Variants in TYR observed in about 807,000 individuals in gnomAD.
TYR encodes LB24-AB.
TYR carries 58 observed loss-of-function variants against 51.5 expected under a neutral mutation model. The observed-to-expected ratio is 1.13, with a 90% confidence interval of 0.91 to 1.40. TYR has a LOEUF of 1.40. Among genes scored for constraint, TYR ranks in the 40% most tolerant of loss-of-function variants. TYR has a pLI of 0.00. For missense variants in TYR, 732 were observed against 647.4 expected (o/e 1.13, Z -1.42); for synonymous variants, 263 against 235.2 (o/e 1.12, Z -1.08).
chr11:89,249,176 G>A (rs1944303241), intron 3 of TYR, among the ~76,000 whole-genome samples: 1 of 152,024 alleles, frequency 6.6e-6, no homozygotes, highest in South Asian at 2.1e-4. Flanking sequence ...GAGAGAACCA[G>A]GTTAGATACA....
intron 1 of TYR, 62 bp downstream of exon 1, chr11:89,178,834 G>T: frequency 1.3e-6 from 2 of 1,565,604 alleles, no homozygotes; most frequent in Non-Finnish European, 1.8e-6. Context: ...ACTTCTTCAG[G>T]CAGGGTATAA....
intron 3 of TYR, among the ~76,000 whole-genome samples, chr11:89,245,723 C>T (rs2135295006): frequency 1.3e-5 from 2 of 152,164 alleles, no homozygotes; most frequent in Middle Eastern, 6.8e-3. Flanking sequence ...GAGATCAAGA[C>T]CATCCTGGCT....
chr11:89,180,768 G>A (rs1483000830), intron 1 of TYR, among the ~76,000 whole-genome samples: 1 of 152,118 alleles, frequency 6.6e-6, no homozygotes, highest in Non-Finnish European at 1.5e-5. Flanking sequence ...CTATGTTTTA[G>A]TAGTGTCAAG....
chr11:89,288,635 C>T (rs1402669085), intron 4 of TYR, among the ~76,000 whole-genome samples: 1 of 151,950 alleles, frequency 6.6e-6, no homozygotes, highest in Admixed American at 6.6e-5. Flanking sequence ...AGAAGTTTGA[C>T]TTTAAAATAA....
rs866938030 is a variant in TYR at position 89,280,371 on chromosome 11, A to G, written c.1185-4402A>G. Among the ~76,000 whole-genome samples the G allele has an allele frequency of 1.2e-3, 189 of 151,454 alleles. 10 individuals are homozygous for G. Among genetic ancestry groups the G allele is most frequent in the Middle Eastern group, 6.8e-3 (2 of 294 alleles). On this transcript the variant is annotated intron_variant, in intron 3 of 4. Transcript: ENST00000263321. ...CTTTCTCTTTACATTTCAGTTTGGG[A>G]AGTTTCTCCTAACCTAGCCTCAAGC...
intron 1 of TYR, among the ~76,000 whole-genome samples, chr11:89,179,618 A>T (rs1355437639): frequency 2.0e-5 from 3 of 152,148 alleles, no homozygotes; most frequent in African/African-American, 7.2e-5. Flanking sequence ...ATTTCCAAGG[A>T]TGTGACTGCT....
At chr11:89,274,818 T>C (rs1944633461) in intron 3 of TYR, among the ~76,000 whole-genome samples, 1 of 151,776 alleles carries the variant, frequency 6.6e-6, no homozygotes, top group South Asian at 2.1e-4. Context: ...TCTTCCTACG[T>C]TCATAACAAG....
chr11:89,178,166 C>T lies in TYR; in HGVS notation c.213C>T (p.Phe71=), dbSNP rs1943249512. The T allele has an allele frequency of 6.2e-7, 1 of 1,614,072 alleles. No individual in the cohort carries two copies. Among genetic ancestry groups the T allele is most frequent in the Non-Finnish European group, 8.5e-7 (1 of 1,180,036 alleles). Residue 71 remains phenylalanine (F), a synonymous_variant, in exon 1 of 5, where the codon TTC becomes TTT. Coordinates refer to ENST00000263321, the MANE Select transcript of TYR (RefSeq NM_000372.5). The part of the protein sequence containing the change: ...SNAPLGPQFP[F]TGVDDRESWP... ...CACCACTTGGGCCTCAATTTCCCTT[C>T]ACAGGGGTGGATGACCGGGAGTCGT...
chr11:89,253,600 C>T (rs147805592), intron 3 of TYR, among the ~76,000 whole-genome samples: 1,580 of 151,648 alleles, frequency 0.01, 5 homozygotes, highest in Non-Finnish European at 0.017. Context: ...TTAAAAGGGG[C>T]TGAATTCTTG....
intron 2 of TYR, among the ~76,000 whole-genome samples, chr11:89,206,661 T>TAACAAC (rs137986111): frequency 2.6e-5 from 4 of 151,476 alleles, no homozygotes; most frequent in African/African-American, 7.3e-5. Context: ...TTCCATTCAA[T>TAACAAC]AACAACAACA....
At chr11:89,221,171 C>A (rs6483002) in intron 2 of TYR, among the ~76,000 whole-genome samples, 1 of 152,050 alleles carries the variant, frequency 6.6e-6, no homozygotes, top group Non-Finnish European at 1.5e-5. Flanking sequence ...TGTTCAGTGA[C>A]TCACTGTTAG....
intron 3 of TYR, among the ~76,000 whole-genome samples, chr11:89,257,063 C>A (rs516696): frequency 0.011 from 1,741 of 152,024 alleles, 34 homozygotes; most frequent in African/African-American, 0.04. Context: ...CTCTACTGCT[C>A]TTCCTAGGGT....
At chr11:89,268,318 C>A (rs1288870491) in intron 3 of TYR, among the ~76,000 whole-genome samples, 3 of 151,576 alleles carry the variant, frequency 2.0e-5, no homozygotes, top group Non-Finnish European at 4.4e-5. Flanking sequence ...ATATATATAT[C>A]AAAATTCTCA....
intron 3 of TYR, among the ~76,000 whole-genome samples, chr11:89,265,126 CACA>C (rs533244956): frequency 4.5e-4 from 68 of 152,008 alleles, no homozygotes; most frequent in African/African-American, 1.5e-3. Flanking sequence ...ATGTTTTGGG[CACA>C]ACAACAAAAA....
intron 3 of TYR, among the ~76,000 whole-genome samples, chr11:89,272,913 G>A (rs188254373): frequency 2.0e-5 from 3 of 151,968 alleles, no homozygotes; most frequent in Middle Eastern, 3.4e-3. Context: ...CTGCTCTCAG[G>A]ACTCATAAAA....
intron 1 of TYR, 31 bp downstream of exon 1, chr11:89,178,803 T>G: frequency 6.2e-7 from 1 of 1,608,648 alleles, no homozygotes; most frequent in Non-Finnish European, 8.5e-7. Flanking sequence ...GATGTCAGAG[T>G]AGGGAGGAAC....
chr11:89,293,352 C>T lies in TYR; in HGVS notation c.1367-1791C>T, dbSNP rs34703992. ...TTTTATGCATACACACACACACACA[C>T]ACACACACACACACACACAACCCAG... On this transcript the variant is annotated intron_variant, in intron 4 of 4. Transcript: ENST00000263321. Among the ~76,000 whole-genome samples, 1,271 of 150,330 alleles carry T rather than the reference C, an allele frequency of 8.5e-3. 12 individuals are homozygous for T. Among genetic ancestry groups the T allele is most frequent in the Middle Eastern group, 0.027 (8 of 294 alleles).
rs554026130 is a variant in TYR at position 89,286,534 on chromosome 11, T to C, written c.1366+1580T>C. Among the ~76,000 whole-genome samples, 9 of 151,960 alleles carry C rather than the reference T, an allele frequency of 5.9e-5. No individual in the cohort carries two copies. In the East Asian group the frequency reaches 1.8e-3, roughly 30 times the overall value. ...GAAACAGAGTCATAAAGAGTATAAA[T>C]TGATTTTCCCAGGCCACTTACCTAG... On this transcript the variant is annotated intron_variant, in intron 4 of 4. Coordinates refer to ENST00000263321, the MANE Select transcript of TYR (RefSeq NM_000372.5).
chr11:89,216,497 C>T (rs2135273298), intron 2 of TYR, among the ~76,000 whole-genome samples: 2 of 151,622 alleles, frequency 1.3e-5, no homozygotes, highest in South Asian at 4.2e-4. Context: ...ACTAAAAATA[C>T]AAAAAATTAG....
Sources: allele counts gnomAD v4.1 joint callset (sites outside exome capture counted in the v4.1 genomes callset), GRCh38; gene constraint gnomAD v4.1.1; transcripts MANE v1.5; gene names NCBI Gene and HGNC (gene_info 2026-07-23, HGNC 2026-07-21).